PDLIM4: variants seen among roughly 807,000 people sequenced by gnomAD.
PDLIM4 encodes PDZ and LIM domain protein 4.
In PDLIM4, 19 loss-of-function variants were observed where a neutral mutation model predicts 31.3. The ratio of observed to expected loss-of-function variants is 0.61; its 90% CI spans 0.42 to 0.89. The LOEUF (loss-of-function observed/expected upper bound fraction) is 0.89. Ranked by LOEUF, PDLIM4 falls within the 40% of genes least tolerant of loss-of-function variation. The pLI is 0.00. For synonymous variants in PDLIM4, 176 were observed against 190.1 expected, an observed-to-expected ratio of 0.93 and a Z score of 0.61; for missense variants, 442 against 461.1, an observed-to-expected ratio of 0.96 and a Z score of 0.38.
chr5:132,262,834 G>A (rs1473098801), intron 2 of PDLIM4, 74 bp downstream of exon 2: 37 of 1,434,616 alleles, frequency 2.6e-5, no homozygotes, highest in Non-Finnish European at 3.4e-5. Context: ...CATTTTGGGT[G>A]AGCCCAGCTT....
At chr5:132,268,110 C>T (rs913855239) in intron 3 of PDLIM4, among the ~76,000 whole-genome samples, 2 of 152,172 alleles carry the variant, frequency 1.3e-5, no homozygotes, top group African/African-American at 2.4e-5. Flanking sequence ...CCCCTGCCCC[C>T]ACACTTGTTC....
chr5:132,270,832 A>G (rs577405550), intron 3 of PDLIM4, 83 bp from the exon 4 acceptor site: 79 of 1,256,238 alleles, frequency 6.3e-5, no homozygotes, highest in South Asian at 6.2e-4. Context: ...CACCTGGCAC[A>G]GCACAGCAGG....
rs1756655646 is a variant in PDLIM4 at position 132,272,641 on chromosome 5, G to A, written c.*412G>A. The A allele has an allele frequency of 3.6e-6, 1 of 281,568 alleles. No homozygotes were observed. The highest frequency in any genetic ancestry group is 7.1e-6 in the Non-Finnish European group (1 of 141,740). 17.4% of individuals were successfully genotyped at this position (281,568 alleles called of 1,614,324 possible). A position where few individuals can be genotyped will look rare whatever the true frequency, so the allele number is the denominator to read the frequency against. ...GATGAGGGAGGCACAAACTCTGCAC[G>A]GGGGAACTGTGTGTGCAAAGGTGAG... is the stretch of plus-strand genomic sequence containing the variant. On this transcript the variant is annotated 3_prime_UTR_variant, in exon 7 of 7. Coordinates refer to ENST00000253754, the MANE Select transcript of PDLIM4 (RefSeq NM_003687.4).
chr5:132,258,074 G>A (rs1167769180), intron 1 of PDLIM4, among the ~76,000 whole-genome samples: 1 of 152,186 alleles, frequency 6.6e-6, no homozygotes, highest in African/African-American at 2.4e-5. Context: ...CCGCCTCCCC[G>A]CTGGCCTCAT....
intron 1 of PDLIM4, among the ~76,000 whole-genome samples, chr5:132,259,361 GCCT>G (rs1053736575): frequency 3.7e-4 from 57 of 152,230 alleles, no homozygotes; most frequent in African/African-American, 1.3e-3. Context: ...CCGAGGAAAG[GCCT>G]CCACACGTCA....
At chr5:132,265,037 A>G (rs112715384) in intron 2 of PDLIM4, among the ~76,000 whole-genome samples, 7 of 152,138 alleles carry the variant, frequency 4.6e-5, no homozygotes, top group African/African-American at 1.4e-4. Context: ...GGCATGTTCT[A>G]TAGGTCCAGG....
At chr5:132,267,430 C>T (rs1756515760) in intron 3 of PDLIM4, among the ~76,000 whole-genome samples, 1 of 152,216 alleles carries the variant, frequency 6.6e-6, no homozygotes, top group African/African-American at 2.4e-5. Flanking sequence ...GCTGGCATCC[C>T]TGGAGCCAGA....
At position 132,271,862 on chromosome 5, in the gene PDLIM4, G is replaced by A. The variant is rs766802234; in HGVS notation, c.742G>A (p.Gly248Ser). 1.2e-6 allele frequency: 2 copies of A among 1,611,154 alleles called. No homozygotes were observed. The highest frequency in any genetic ancestry group is 1.7e-6 in the Non-Finnish European group (2 of 1,178,622). The change falls in exon 6 of 7, where the codon GGC becomes AGC. Residue 248 changes from glycine (G) to serine (S), a missense_variant. Transcript: ENST00000253754. ...CAGCAAGCTGGGCGCTCCGCTGAGC[G>A]GCCTGCAGGGGCTGCCCGAGTGCAC... is the stretch of plus-strand genomic sequence containing the variant. ...TASKLGAPLS[G>S]LQGLPECTRC...
chr5:132,272,981 CTTGCCCAGGGCA>C lies in PDLIM4; in HGVS notation c.*753_*764del, dbSNP rs1440416196. 2 of 152,622 alleles carry C rather than the reference CTTGCCCAGGGCA, an allele frequency of 1.3e-5. No individual in the cohort carries two copies. Among genetic ancestry groups the C allele is most frequent in the East Asian group, 3.8e-4 (2 of 5,320 alleles). 9.5% of individuals were successfully genotyped at this position (152,622 alleles called of 1,614,324 possible). On this transcript the variant is annotated 3_prime_UTR_variant, in exon 7 of 7. Coordinates refer to ENST00000253754, the MANE Select transcript of PDLIM4 (RefSeq NM_003687.4). ...AGGAAGGTTTAGAAAGAAAAGAACA[CTTGCCCAGGGCA>C]GCTTTGCCCTCCAAGAGGCTCCCTC...
intron 4 of PDLIM4, 102 bp from the exon 5 acceptor site, chr5:132,271,201 T>TA: frequency 6.7e-7 from 1 of 1,487,172 alleles, no homozygotes; most frequent in Non-Finnish European, 9.2e-7. Context: ...CCTTGGGTCT[T>TA]AGCTGGTTGC....
intron 1 of PDLIM4, among the ~76,000 whole-genome samples, chr5:132,260,483 C>G (rs140044563): frequency 6.6e-6 from 1 of 152,238 alleles, no homozygotes; most frequent in African/African-American, 2.4e-5. Flanking sequence ...TTCATCTCTC[C>G]CACTCTCCCC....
intron 1 of PDLIM4, among the ~76,000 whole-genome samples, chr5:132,261,085 G>C (rs987920682): frequency 1.3e-5 from 2 of 152,222 alleles, no homozygotes; most frequent in Non-Finnish European, 2.9e-5. Flanking sequence ...CTCACCAGGT[G>C]GTTGAGGGGT....
At position 132,273,025 on chromosome 5, in the gene PDLIM4, C is replaced by G. The variant is rs1452185920; in HGVS notation, c.*796C>G. ...CCCTCCAAGAGGCTCCCTCCTGTCT[C>G]TAAGTCAATTCCACCCCTCCTCGAA... On this transcript the variant is annotated 3_prime_UTR_variant, in exon 7 of 7. Coordinates refer to ENST00000253754, the MANE Select transcript of PDLIM4 (RefSeq NM_003687.4). 1 of 152,388 alleles carries G rather than the reference C, an allele frequency of 6.6e-6. No homozygotes were observed. Among genetic ancestry groups the G allele is most frequent in the Admixed American group, 6.5e-5 (1 of 15,284 alleles). 9.4% of individuals were successfully genotyped at this position (152,388 alleles called of 1,614,324 possible). A position where few individuals can be genotyped will look rare whatever the true frequency, so the allele number is the denominator to read the frequency against.
intron 3 of PDLIM4, among the ~76,000 whole-genome samples, chr5:132,266,986 T>A (rs571422601): frequency 1.5e-3 from 224 of 152,310 alleles, no homozygotes; most frequent in African/African-American, 5.1e-3. Flanking sequence ...CCTGAAGTTC[T>A]CTCCTGGCCA....
intron 2 of PDLIM4, among the ~76,000 whole-genome samples, chr5:132,265,279 G>A (rs1292138369): frequency 6.6e-6 from 1 of 152,358 alleles, no homozygotes; most frequent in East Asian, 1.9e-4. Flanking sequence ...CGTCAGGCTT[G>A]TACTGCTCTT....
chr5:132,257,719 G>A lies in PDLIM4; in HGVS notation c.-16G>A. On this transcript the variant is annotated 5_prime_UTR_variant, in exon 1 of 7. Transcript: ENST00000253754. The surrounding 1 kb of genome is among the most constrained non-coding windows in gnomAD (Gnocchi z 4.3). ...TCAGAGTCCGGCTCAGGCTCCGGCT[G>A]CGGCTCCAGCCCGCGATGCCCCATT... 4 of 1,452,494 alleles carry A rather than the reference G, an allele frequency of 2.8e-6. No individual in the cohort carries two copies. Among genetic ancestry groups the A allele is most frequent in the Non-Finnish European group, 3.6e-6 (4 of 1,100,174 alleles). 90.0% of individuals were successfully genotyped at this position (1,452,494 alleles called of 1,614,324 possible).
chr5:132,260,435 A>G (rs533386774), intron 1 of PDLIM4, among the ~76,000 whole-genome samples: 2 of 152,144 alleles, frequency 1.3e-5, no homozygotes, highest in East Asian at 1.9e-4. Context: ...CCGGGTGTAC[A>G]AGACTCTGCA....
chr5:132,271,780 C>G lies in PDLIM4; in HGVS notation c.671-11C>G, dbSNP rs1756625729. The G allele has an allele frequency of 1.3e-6, 2 of 1,579,890 alleles. No homozygotes were observed. Among genetic ancestry groups the G allele is most frequent in the East Asian group, 4.5e-5 (2 of 44,696 alleles). ...TCACCCCGTTCATGCCACCTACGCT[C>G]CGGGTTTCAGGGGATTGGCCCGGGC... On this transcript the variant is annotated splice_polypyrimidine_tract_variant and intron_variant, in intron 5 of 6. Coordinates refer to ENST00000253754, the MANE Select transcript of PDLIM4 (RefSeq NM_003687.4).
intron 3 of PDLIM4, among the ~76,000 whole-genome samples, chr5:132,268,467 G>A (rs543084437): frequency 4.6e-5 from 7 of 152,218 alleles, no homozygotes; most frequent in Non-Finnish European, 1.0e-4. Flanking sequence ...GGATGGGACA[G>A]GGCCAGCTGG....
Sources: gnomAD v4.1 joint callset for allele counts (sites outside exome capture counted in the v4.1 genomes callset) on GRCh38, gnomAD v4.1.1 for gene constraint, Gnocchi (gnomAD v3.1) non-coding constraint, MANE v1.5 for transcripts, NCBI Gene and HGNC (gene_info 2026-07-23, HGNC 2026-07-21) for gene names.